The following JAG2 variants were observed in gnomAD, a reference collection of about 807,000 sequenced individuals.
JAG2 encodes the protein protein jagged-2.
Under a neutral mutation model 141.7 loss-of-function variants are expected in JAG2, and 46 were observed. The observed-to-expected ratio is 0.32, with a 90% CI of 0.26 to 0.42. JAG2 has a LOEUF of 0.42. Ranked by LOEUF, JAG2 falls within the 10% of genes least tolerant of loss-of-function variation. The pLI is 1.00. For synonymous variants in JAG2, 862 were observed against 763.5 expected (o/e 1.13, Z -2.13); for missense variants, 1,500 against 1,817.5 (o/e 0.83, Z 3.18).
At chr14:105,160,390 C>T (rs1026339654) in intron 2 of JAG2, among the ~76,000 whole-genome samples, 5 of 139,600 alleles carry the variant, frequency 3.6e-5, no homozygotes, top group South Asian at 2.5e-4. Context: ...TCCCCACCCC[C>T]GGTAACACCT....
rs376948189 is a variant in JAG2 at position 105,155,870 on chromosome 14, C to T, written c.595G>A (p.Asp199Asn). 1.9e-5 allele frequency: 31 copies of T among 1,612,088 alleles called. No individual in the cohort carries two copies. The African/African-American group carries it at 2.5e-4, about 13-fold the overall frequency. Residue 199 changes from aspartate to asparagine, a missense_variant, in exon 4 of 26, where the codon GAC becomes AAC. Asp to Asn is a conservative substitution (Grantham distance 23). This residue lies in a region of JAG2 where 875 missense variants were observed against 1,202.2 expected (regional missense o/e 0.73). Transcript: ENST00000331782. ...CAAGTGGCGCTGTAGTAGTTCTCGT[C>T]GCAGCGCACGCGGATCTGCAGCTCC... ...HLELQIRVRC[D>N]ENYYSATCNK...
chr14:105,166,587 G>T (rs772772281), intron 2 of JAG2, among the ~76,000 whole-genome samples: 19 of 152,340 alleles, frequency 1.2e-4, no homozygotes, highest in Non-Finnish European at 1.9e-4. Context: ...AGCTTCCACG[G>T]GTGGGAGCTC....
chr14:105,158,760 G>C (rs919441225), intron 2 of JAG2, among the ~76,000 whole-genome samples: 1 of 152,074 alleles, frequency 6.6e-6, no homozygotes, highest in African/African-American at 2.4e-5. Flanking sequence ...GTGGGGCCCA[G>C]AGGAGGGGGC....
Position 105,150,888 on chromosome 14 carries a change from A to G in JAG2, c.1405T>C (p.Cys469Arg), listed in dbSNP as rs1474610391. Reference protein sequence around the residue: ...HINVNDCRGQCQHGGTCKDLV... With the variant: ...HINVNDCRGQRQHGGTCKDLV... ...ACCTTGCAGGTGCCCCCATGCTGAC[A>G]CTGCCCGCGACAGTCGTTGACGTCT... Residue 469 changes from cysteine (C) to arginine (R), a missense_variant, in exon 11 of 26, where the codon TGT becomes CGT. Cys to Arg is a radical substitution (Grantham distance 180, BLOSUM62 -3). This residue lies in a region of JAG2 where 875 missense variants were observed against 1,202.2 expected (regional missense o/e 0.73). Transcript: ENST00000331782. The G allele has an allele frequency of 6.3e-7, 1 of 1,590,316 alleles. No homozygotes were observed. The highest frequency in any genetic ancestry group is 8.6e-7 in the Non-Finnish European group (1 of 1,169,112).
Position 105,151,719 on chromosome 14 carries a change from T to C in JAG2, c.1060A>G (p.Asn354Asp), listed in dbSNP as rs1288561615. 5.6e-6 allele frequency: 9 copies of C among 1,610,838 alleles called. No individual in the cohort carries two copies. The highest frequency in any genetic ancestry group is 7.6e-6 in the Non-Finnish European group (9 of 1,179,168). ...CEKAEHACTS[N>D]PCANGGSCHE... ...CAAGAGCCCCCGTTGGCACACGGGT[T>C]GGAGGTGCAGGCGTGCTCAGCTGTA... is the stretch of plus-strand genomic sequence containing the variant. Residue 354 changes from asparagine to aspartate, a missense_variant, in exon 8 of 26, where the codon AAC becomes GAC. Coordinates refer to ENST00000331782, the MANE Select transcript of JAG2 (RefSeq NM_002226.5).
intron 2 of JAG2, among the ~76,000 whole-genome samples, chr14:105,165,677 CA>C (rs1888887165): frequency 6.6e-6 from 1 of 152,170 alleles, no homozygotes; most frequent in Admixed American, 6.5e-5. Flanking sequence ...GAGAGTCACT[CA>C]GGGGGCAGGG....
rs1306124347 is a variant in JAG2, at chr14:105,149,220, C to T, written c.1703G>A (p.Gly568Asp). ...YYCACPDDFG[G>D]KNCSVPREPC... is the part of the protein sequence containing the mutation. Reference sequence around the variant, plus strand: ...CTCGCGGGGCACGGAGCAGTTCTTGCCACCAAAGTCATCAGGGCAGGCGCA... The same window carrying T: ...CTCGCGGGGCACGGAGCAGTTCTTGTCACCAAAGTCATCAGGGCAGGCGCA... The change falls in exon 13 of 26, where the codon GGC (glycine) becomes GAC (aspartate). Residue 568 changes from glycine to aspartate, a missense_variant. Physicochemically the swap from Gly to Asp is moderately conservative, Grantham distance 94 (BLOSUM62 -1). Coordinates refer to ENST00000331782, the MANE Select transcript of JAG2 (RefSeq NM_002226.5). 6.2e-7 allele frequency: 1 copy of T among 1,603,600 alleles called. No homozygotes were observed.
At chr14:105,151,230 C>CAG (rs11283160) in intron 9 of JAG2, 53 bp downstream of exon 9, 24 of 1,552,376 alleles carry the variant, frequency 1.5e-5, no homozygotes, top group Admixed American at 3.5e-5. Context: ...CCAGCAGCCC[C>CAG]CGCAGCCCGC....
Position 105,142,626 on chromosome 14 carries a change from C to T in JAG2, c.*69G>A. ...AAAGAAACTATGCACATGGCCTCGG[C>T]CTCCGGGTCCGGCAGACGGCATGGC... On this transcript the variant is annotated 3_prime_UTR_variant, in exon 26 of 26. Coordinates refer to ENST00000331782, the MANE Select transcript of JAG2 (RefSeq NM_002226.5). 1.6e-6 allele frequency: 2 copies of T among 1,214,758 alleles called. No homozygotes were observed. The highest frequency in any genetic ancestry group is 2.3e-6 in the Non-Finnish European group (2 of 859,198). The allele number at this position is 1,214,758 out of a possible 1,614,324, so 75.2% of individuals were successfully genotyped here.
chr14:105,162,764 CCCAGTGTACCCACAGT>C lies in JAG2; in HGVS notation c.417+4977_417+4992del, dbSNP rs1474681936. On this transcript the variant is annotated intron_variant, in intron 2 of 25. Transcript: ENST00000331782. ...CCCCACAGCCTTGTGCACCCCATGG[CCCAGTGTACCCACAGT>C]CCAGGGCACCCCAAAGCTCAGGGCA... is the stretch of plus-strand genomic sequence containing the variant. 2.4e-5 allele frequency among the ~76,000 whole-genome samples: 3 copies of C among 124,148 alleles called. 1 individual carries two copies. Among genetic ancestry groups the C allele is most frequent in the African/African-American group, 6.0e-5 (2 of 33,122 alleles). 81.4% of individuals were successfully genotyped at this position (124,148 alleles called of 152,430 possible).
chr14:105,151,682 G>A lies in JAG2; in HGVS notation c.1097C>T (p.Pro366Leu), dbSNP rs140813175. The change falls in exon 8 of 26, where the codon CCG becomes CTG. Residue 366 changes from proline to leucine, a missense_variant. Pro to Leu is a moderately conservative substitution (Grantham distance 98). Transcript: ENST00000331782. ...CANGGSCHEV[P>L]SGFECHCPSG... ...TGGGCAGTGGCATTCGAAGCCGGAC[G>A]GCACCTCATGGCAAGAGCCCCCGTT... 2.2e-5 allele frequency: 35 copies of A among 1,611,258 alleles called. No individual in the cohort carries two copies. The highest frequency in any genetic ancestry group is 2.1e-4 in the African/African-American group (16 of 74,922).
At position 105,142,008 on chromosome 14, in the gene JAG2, G is replaced by A. The variant is rs750237942; in HGVS notation, c.*687C>T. The A allele has an allele frequency of 3.3e-5, 5 of 152,888 alleles. No individual in the cohort carries two copies. The highest frequency in any genetic ancestry group is 6.5e-5 in the Admixed American group (1 of 15,288). The allele number at this position is 152,888 out of a possible 1,614,324, so 9.5% of individuals were successfully genotyped here. ...TCGCTGGAGCGGGCGTTCTGGGCAG[G>A]AGGAAGCACAGACGGCAGGCAGGGT... On this transcript the variant is annotated 3_prime_UTR_variant, in exon 26 of 26. Transcript: ENST00000331782.
rs1377419195 is a variant in JAG2 at position 105,151,735 on chromosome 14, C to T, written c.1044G>A (p.Glu348=). The stretch of plus-strand genomic sequence containing the variant: ...CACACGGGTTGGAGGTGCAGGCGTG[C>T]TCAGCTGTAGAACCGCGGGGAGGGG... ...GYSGRNCEKA[E]HACTSNPCAN... Residue 348 remains glutamate (E), a synonymous_variant, in exon 8 of 26, where the codon GAG becomes GAA. Transcript: ENST00000331782. 1.2e-6 allele frequency: 2 copies of T among 1,609,480 alleles called. No individual in the cohort carries two copies. The highest frequency in any genetic ancestry group is 1.1e-5 in the South Asian group (1 of 90,474).
rs141646283 is a variant in JAG2 at position 105,151,497 on chromosome 14, G to A, written c.1154-101C>T. The A allele has an allele frequency of 1.9e-4, 262 of 1,372,682 alleles. 2 individuals carry two copies. The African/African-American group carries it at 3.1e-3, about 16-fold the overall frequency. 85.0% of individuals were successfully genotyped at this position (1,372,682 alleles called of 1,614,324 possible). On this transcript the variant is annotated intron_variant, in intron 8 of 25. Transcript: ENST00000331782. ...GCAAGCCTGGGTCTTCCTGCCATTTGTCCTCGCCAAGCCAGCCGCAGCCAC... is the reference window on the plus strand; with the variant it reads ...GCAAGCCTGGGTCTTCCTGCCATTTATCCTCGCCAAGCCAGCCGCAGCCAC...
chr14:105,163,475 G>A (rs948952519), intron 2 of JAG2, among the ~76,000 whole-genome samples: 8 of 152,130 alleles, frequency 5.3e-5, no homozygotes, highest in African/African-American at 1.9e-4. Flanking sequence ...GCTAGCACCT[G>A]CCACAAAGCC....
In JAG2 at chr14:105,147,426, G is replaced by A. The variant is rs777417589; in HGVS notation, c.2394-15C>T. The A allele has an allele frequency of 1.3e-5, 21 of 1,611,056 alleles. No individual in the cohort carries two copies. The highest frequency in any genetic ancestry group is 3.3e-5 in the South Asian group (3 of 90,820). On this transcript the variant is annotated splice_polypyrimidine_tract_variant and intron_variant, in intron 19 of 25. Coordinates refer to ENST00000331782, the MANE Select transcript of JAG2 (RefSeq NM_002226.5). The stretch of plus-strand genomic sequence containing the variant: ...CACCATTGTAGCTGCAGAGCAGAGG[G>A]TGGGCATCAGGTGGCCCCCCGTGGT...
Position 105,155,994 on chromosome 14 carries a change from G to A in JAG2, c.476-5C>T. ...CTCGCTCGATCAGCAGCTCCTCTTG[G>A]GGAGGCGGCAGAGTCAGCACAGGCC... On this transcript the variant is annotated splice_polypyrimidine_tract_variant and splice_region_variant and intron_variant, in intron 3 of 25. Transcript: ENST00000331782. 6.2e-7 allele frequency: 1 copy of A among 1,602,086 alleles called. No homozygotes were observed. The highest frequency in any genetic ancestry group is 8.5e-7 in the Non-Finnish European group (1 of 1,179,074).
chr14:105,164,064 C>T (rs1239596356), intron 2 of JAG2, among the ~76,000 whole-genome samples: 2 of 151,872 alleles, frequency 1.3e-5, no homozygotes, highest in Non-Finnish European at 2.9e-5. Flanking sequence ...GAGCAGCAGT[C>T]CCCTCCCACC....
intron 17 of JAG2, 98 bp from the exon 18 acceptor site, chr14:105,147,986 G>A (rs1053888392): frequency 3.3e-5 from 36 of 1,079,166 alleles, no homozygotes; most frequent in East Asian, 2.3e-4. Flanking sequence ...AGACAGACCC[G>A]GGGGCAGGGG....
Sources: allele counts gnomAD v4.1 joint callset (sites outside exome capture counted in the v4.1 genomes callset), GRCh38; gene constraint gnomAD v4.1.1; regional missense constraint gnomAD v4.1.1; transcripts MANE v1.5; gene names NCBI Gene and HGNC (gene_info 2026-07-23, HGNC 2026-07-21).